MROH9: variants seen among roughly 807,000 people sequenced by gnomAD.
MROH9 encodes the protein maestro heat like repeat family member 9, also known as maestro heat-like repeat-containing protein family member 9.
In MROH9, 92 loss-of-function variants were observed where a neutral mutation model predicts 98.2. The observed-to-expected ratio is 0.94, with a 90% CI of 0.79 to 1.11. The LOEUF is 1.11. Among genes scored for constraint, MROH9 ranks in the 50% most tolerant of loss-of-function variants. The pLI is 0.00. For missense variants in MROH9, 1,057 were observed against 1,014.8 expected (o/e 1.04, Z -0.57); for synonymous variants, 397 against 368.9 (o/e 1.08, Z -0.87).
At position 170,947,580 on chromosome 1, in the gene MROH9, G is replaced by A; in HGVS notation, c.72+7G>A. 1 of 1,607,190 alleles carries A rather than the reference G, an allele frequency of 6.2e-7. No homozygotes were observed. The highest frequency in any genetic ancestry group is 1.1e-5 in the South Asian group (1 of 90,694). Reference sequence around the variant, plus strand: ...TGTGAAATGGCACCACATGGTAAGTGATATTCTATAAGGATATCAACGTAA... The same window carrying A: ...TGTGAAATGGCACCACATGGTAAGTAATATTCTATAAGGATATCAACGTAA... On this transcript the variant is annotated splice_region_variant and intron_variant, in intron 3 of 21. Coordinates refer to ENST00000367759, the MANE Select transcript of MROH9 (RefSeq NM_001163629.2).
At chr1:171,022,424 G>T (rs1052090606) in intron 17 of MROH9, among the ~76,000 whole-genome samples, 1 of 152,080 alleles carries the variant, frequency 6.6e-6, no homozygotes, top group African/African-American at 2.4e-5. Context: ...GCCATAAAAA[G>T]GAATGAAGAT....
intron 8 of MROH9, among the ~76,000 whole-genome samples, chr1:170,975,067 T>C (rs1308899114): frequency 6.6e-6 from 1 of 151,394 alleles, no homozygotes; most frequent in Non-Finnish European, 1.5e-5. Context: ...CAAAAAAGAA[T>C]AGAAAAAAAG....
intron 20 of MROH9, among the ~76,000 whole-genome samples, chr1:171,029,468 A>C (rs1289770603): frequency 6.6e-6 from 1 of 152,120 alleles, no homozygotes; most frequent in Non-Finnish European, 1.5e-5. Flanking sequence ...TCAGCCTCCT[A>C]AAGTGCTGGG....
At chr1:170,966,914 A>T (rs1650255853) in intron 7 of MROH9, among the ~76,000 whole-genome samples, 1 of 152,166 alleles carries the variant, frequency 6.6e-6, no homozygotes, top group Admixed American at 6.5e-5. Flanking sequence ...TGTGTTATAT[A>T]TTCAGCAAGT....
chr1:170,936,725 G>A (rs1192401641), intron 1 of MROH9, among the ~76,000 whole-genome samples: 1 of 152,158 alleles, frequency 6.6e-6, no homozygotes, highest in African/African-American at 2.4e-5. Flanking sequence ...ATGTTGAAAT[G>A]TAGTGGGATT....
At chr1:171,043,620 A>AT (rs568664023) in intron 20 of MROH9, among the ~76,000 whole-genome samples, 4 of 151,382 alleles carry the variant, frequency 2.6e-5, no homozygotes, top group Admixed American at 6.6e-5. Context: ...TGAACTTGGA[A>AT]TTTTTTTTCA....
Position 170,971,972 on chromosome 1 carries a change from G to A in MROH9, c.616+89G>A, listed in dbSNP as rs1003664430. On this transcript the variant is annotated intron_variant, in intron 8 of 21. Transcript: ENST00000367759. The stretch of plus-strand genomic sequence containing the variant: ...TAGGTCCTGGGAAGGCTCTACGTCT[G>A]TTAATTTCTAAATCCTGCCCCAAGA... 29 of 1,353,152 alleles carry A rather than the reference G, an allele frequency of 2.1e-5. No individual in the cohort carries two copies. In the East Asian group the frequency reaches 6.8e-4, roughly 32 times the overall value. The allele number at this position is 1,353,152 out of a possible 1,614,324, so 83.8% of individuals were successfully genotyped here. A position where few individuals can be genotyped will look rare whatever the true frequency, so the allele number is the denominator to read the frequency against.
At chr1:170,954,572 A>G (rs1338437698) in intron 3 of MROH9, among the ~76,000 whole-genome samples, 1 of 151,998 alleles carries the variant, frequency 6.6e-6, no homozygotes, top group Non-Finnish European at 1.5e-5. Flanking sequence ...AGAAATCTCC[A>G]TACTGTTTTC....
At position 170,992,252 on chromosome 1, in the gene MROH9, A is replaced by G; in HGVS notation, c.1117A>G (p.Lys373Glu). 1 of 1,613,564 alleles carries G rather than the reference A, an allele frequency of 6.2e-7. No individual in the cohort carries two copies. ...GACAATCTTATTGATACTGAAAGGAAAGCCTGGGGAAATGGAGGACACCGT... is the reference window on the plus strand; with the variant it reads ...GACAATCTTATTGATACTGAAAGGAGAGCCTGGGGAAATGGAGGACACCGT... Reference protein sequence around the residue: ...LKTILLILKGKPGEMEDTVTE... With the variant: ...LKTILLILKGEPGEMEDTVTE... Residue 373 changes from lysine (K) to glutamate (E), a missense_variant, in exon 12 of 22, where the codon AAG (lysine) becomes GAG (glutamate). By Grantham distance (56) the Lys-to-Glu change is moderately conservative. Transcript: ENST00000367759.
At position 171,055,624 on chromosome 1, in the gene MROH9, A is replaced by G. The variant is rs1019264148; in HGVS notation, c.2282-6508A>G. Among the ~76,000 whole-genome samples the G allele has an allele frequency of 7.2e-3, 1,082 of 149,320 alleles. 9 individuals carry two copies. Among genetic ancestry groups the G allele is most frequent in the Non-Finnish European group, 0.012 (789 of 67,598 alleles). On this transcript the variant is annotated intron_variant, in intron 20 of 21. Coordinates refer to ENST00000367759, the MANE Select transcript of MROH9 (RefSeq NM_001163629.2). Reference sequence around the variant, plus strand: ...GCAACAGTGTGAGACTTCATAAAAAAAAAAAAAAAAAAAAAAAGATACAGT... The same window carrying G: ...GCAACAGTGTGAGACTTCATAAAAAGAAAAAAAAAAAAAAAAAGATACAGT...
chr1:171,012,473 G>A (rs1444623994), intron 15 of MROH9, among the ~76,000 whole-genome samples: 15 of 150,582 alleles, frequency 1.0e-4, no homozygotes, highest in Non-Finnish European at 1.6e-4. Flanking sequence ...ATTCTTCCAA[G>A]GAAAACATGA....
intron 20 of MROH9, among the ~76,000 whole-genome samples, chr1:171,035,931 A>G (rs1036824660): frequency 3.3e-5 from 5 of 152,268 alleles, no homozygotes; most frequent in African/African-American, 1.2e-4. Flanking sequence ...AAATACATAC[A>G]TGTGTTCACA....
intron 20 of MROH9, among the ~76,000 whole-genome samples, chr1:171,045,977 T>C (rs768963486): frequency 4.6e-5 from 7 of 152,188 alleles, no homozygotes; most frequent in African/African-American, 7.2e-5. Context: ...AGTGCTCCTA[T>C]GTTGGGTGCA....
In MROH9 at chr1:171,016,330, G is replaced by T. The variant is rs145219287; in HGVS notation, c.1902G>T (p.Met634Ile). The T allele has an allele frequency of 5.0e-3, 7,481 of 1,498,628 alleles. 28 individuals are homozygous for T. Among genetic ancestry groups the T allele is most frequent in the Middle Eastern group, 9.9e-3 (57 of 5,786 alleles). The allele number at this position is 1,498,628 out of a possible 1,614,324, so 92.8% of individuals were successfully genotyped here. A position where few individuals can be genotyped will look rare whatever the true frequency, so the allele number is the denominator to read the frequency against. The change falls in exon 17 of 22, where the codon ATG becomes ATT. Residue 634 changes from methionine (M) to isoleucine (I), a missense_variant. Coordinates refer to ENST00000367759, the MANE Select transcript of MROH9 (RefSeq NM_001163629.2). Reference protein sequence around the residue: ...TRIGSSYCTLMDHINGGIRSM... With the variant: ...TRIGSSYCTLIDHINGGIRSM... ...TTGGTTCCAGCTACTGTACTCTGATGGATCATGTGAGTTACACAGTTAGAT... is the reference window on the plus strand; with the variant it reads ...TTGGTTCCAGCTACTGTACTCTGATTGATCATGTGAGTTACACAGTTAGAT...
intron 20 of MROH9, among the ~76,000 whole-genome samples, chr1:171,059,233 A>G (rs1653942340): frequency 6.6e-6 from 1 of 152,222 alleles, no homozygotes. Context: ...TGGGCAAAGG[A>G]TATGAACAGA....
intron 3 of MROH9, among the ~76,000 whole-genome samples, chr1:170,955,612 T>C (rs569129996): frequency 6.6e-6 from 1 of 152,354 alleles, no homozygotes; most frequent in East Asian, 1.9e-4. Flanking sequence ...GCCATTTGTA[T>C]ATCTTCTTTT....
intron 15 of MROH9, chr1:170,998,945 G>A (rs888584325): frequency 1.2e-5 from 2 of 171,378 alleles, no homozygotes; most frequent in Non-Finnish European, 2.3e-5. Context: ...AAAGCATACT[G>A]TTATACTATA....
chr1:171,064,308 A>G lies in MROH9; in HGVS notation c.2554A>G (p.Ser852Gly), dbSNP rs1014874785. 1 of 1,542,750 alleles carries G rather than the reference A, an allele frequency of 6.5e-7. No homozygotes were observed. Among genetic ancestry groups the G allele is most frequent in the South Asian group, 1.2e-5 (1 of 81,716 alleles). Residue 852 changes from serine to glycine, a missense_variant, in exon 22 of 22, where the codon AGT (serine) becomes GGT (glycine). Transcript: ENST00000367759. ...TGGCCAGATAGACAGTCCTACAGAC[A>G]GTAAAGATGTCAAGAATGATAAGGC... is the stretch of plus-strand genomic sequence containing the variant. The part of the protein sequence containing the change: ...PNGQIDSPTD[S>G]KDVKNDKAL
chr1:170,953,106 G>A (rs911037781), intron 3 of MROH9, among the ~76,000 whole-genome samples: 2 of 152,042 alleles, frequency 1.3e-5, no homozygotes, highest in East Asian at 1.9e-4. Flanking sequence ...TATAGATTAA[G>A]TTATGAATAC....
Sources: allele counts gnomAD v4.1 joint callset (sites outside exome capture counted in the v4.1 genomes callset), GRCh38; gene constraint gnomAD v4.1.1; transcripts MANE v1.5; gene names NCBI Gene and HGNC (gene_info 2026-07-23, HGNC 2026-07-21).